PCDHA12: variants seen among roughly 807,000 people sequenced by gnomAD.
The protein encoded by PCDHA12 is protocadherin alpha-12.
A neutral mutation model predicts 60.0 loss-of-function variants in PCDHA12; 44 were observed. The ratio of observed to expected loss-of-function variants is 0.73; its 90% confidence interval spans 0.58 to 0.94. The LOEUF is 0.94. Ranked by LOEUF, PCDHA12 falls within the 40% of genes least tolerant of loss-of-function variation. The probability of loss-of-function intolerance (pLI) is 0.00; values close to 1 mark genes in which losing one functional copy is unlikely to be tolerated. For synonymous variants in PCDHA12, 569 were observed against 553.0 expected (o/e 1.03, Z -0.40); for missense variants, 1,276 against 1,239.7 (o/e 1.03, Z -0.44).
chr5:140,934,528 G>T (rs782284913), intron 1 of PCDHA12, among the ~76,000 whole-genome samples: 26 of 152,112 alleles, frequency 1.7e-4, no homozygotes, highest in Non-Finnish European at 2.2e-4. Flanking sequence ...CACTTCGAGA[G>T]CTACCGTTCT....
chr5:141,004,094 G>C (rs962663466), intron 3 of PCDHA12, among the ~76,000 whole-genome samples: 1 of 152,194 alleles, frequency 6.6e-6, no homozygotes, highest in African/African-American at 2.4e-5. Flanking sequence ...TGCTTCTTCC[G>C]TTTTCATCTT....
At chr5:140,937,836 T>C (rs2091788765) in intron 1 of PCDHA12, among the ~76,000 whole-genome samples, 1 of 150,366 alleles carries the variant, frequency 6.7e-6, no homozygotes, top group Non-Finnish European at 1.5e-5. Flanking sequence ...GGCATGAACC[T>C]GGAAGGCGGA....
At chr5:140,879,634 C>T (rs888836313) in intron 1 of PCDHA12, among the ~76,000 whole-genome samples, 2 of 152,306 alleles carry the variant, frequency 1.3e-5, no homozygotes, top group Admixed American at 1.3e-4. Context: ...GTAAGTGTGT[C>T]GCTTCCTGTG....
chr5:140,925,596 T>G (rs1218423622), intron 1 of PCDHA12, among the ~76,000 whole-genome samples: 1 of 151,466 alleles, frequency 6.6e-6, no homozygotes, highest in Admixed American at 6.6e-5. Context: ...TGTATACATA[T>G]GTAACAAACC....
intron 3 of PCDHA12, among the ~76,000 whole-genome samples, chr5:141,000,999 A>G (rs1315543518): frequency 6.6e-6 from 1 of 152,234 alleles, no homozygotes; most frequent in Non-Finnish European, 1.5e-5. Context: ...TATGCTTTAA[A>G]TATGTATTTA....
At chr5:140,985,065 G>A (rs189493508) in intron 3 of PCDHA12, among the ~76,000 whole-genome samples, 45 of 152,190 alleles carry the variant, frequency 3.0e-4, no homozygotes, top group Admixed American at 5.2e-4. Context: ...AGCCTCCTGA[G>A]TAGCTGAGAC....
chr5:140,980,695 G>A (rs1403740157), intron 2 of PCDHA12, among the ~76,000 whole-genome samples: 1 of 149,792 alleles, frequency 6.7e-6, no homozygotes, highest in Non-Finnish European at 1.5e-5. Context: ...AAAAAAAAAA[G>A]CCAAATGTGC....
At position 140,982,572 on chromosome 5, in the gene PCDHA12, C is replaced by G. The variant is rs782271002; in HGVS notation, c.2515+9C>G. 1 of 1,613,760 alleles carries G rather than the reference C, an allele frequency of 6.2e-7. No homozygotes were observed. Among genetic ancestry groups the G allele is most frequent in the Non-Finnish European group, 8.5e-7 (1 of 1,179,726 alleles). On this transcript the variant is annotated intron_variant, in intron 3 of 3. Transcript: ENST00000398631. ...ATCCAGTGCAACACCAGGTAAAGAGCTGGGGTCTCTCCATTCTTTCTTGGT... is the reference window on the plus strand; with the variant it reads ...ATCCAGTGCAACACCAGGTAAAGAGGTGGGGTCTCTCCATTCTTTCTTGGT...
intron 3 of PCDHA12, among the ~76,000 whole-genome samples, chr5:141,005,079 T>TTAGTACTTTACA (rs1375552328): frequency 3.3e-5 from 5 of 152,356 alleles, no homozygotes; most frequent in Non-Finnish European, 7.3e-5. Flanking sequence ...AGGATCAAGC[T>TTAGTACTTTACA]TAGTACTTTA....
intron 3 of PCDHA12, among the ~76,000 whole-genome samples, chr5:140,990,514 T>C (rs1437267512): frequency 1.3e-5 from 2 of 152,204 alleles, no homozygotes; most frequent in Non-Finnish European, 1.5e-5. Context: ...TCTTCTCTCT[T>C]GTCTTTTTTG....
intron 3 of PCDHA12, among the ~76,000 whole-genome samples, chr5:141,007,904 T>C (rs1397513381): frequency 6.6e-6 from 1 of 152,278 alleles, no homozygotes; most frequent in African/African-American, 2.4e-5. Flanking sequence ...TTGTTCTTTG[T>C]TGAAGATGCT....
At position 140,876,672 on chromosome 5, in the gene PCDHA12, C is replaced by T; in HGVS notation, c.1200C>T (p.Thr400=). The change falls in exon 1 of 4, where the codon ACC becomes ACT. Residue 400 remains threonine (T), a synonymous_variant. Transcript: ENST00000398631. ...TPHVPFKLVS[T]YKNYYSLVLD... is the part of the protein sequence containing the mutation. Reference sequence around the variant, plus strand: ...ATGTTCCCTTCAAGCTGGTGTCCACCTACAAGAATTACTACTCGTTGGTGC... The same window carrying T: ...ATGTTCCCTTCAAGCTGGTGTCCACTTACAAGAATTACTACTCGTTGGTGC... 1 of 1,614,208 alleles carries T rather than the reference C, an allele frequency of 6.2e-7. No individual in the cohort carries two copies. The highest frequency in any genetic ancestry group is 8.5e-7 in the Non-Finnish European group (1 of 1,180,032).
chr5:141,005,263 A>T (rs1223276392), intron 3 of PCDHA12, among the ~76,000 whole-genome samples: 2 of 152,198 alleles, frequency 1.3e-5, no homozygotes, highest in Admixed American at 1.3e-4. Context: ...GGCACTGGTG[A>T]TACATTGGTG....
At chr5:140,959,568 T>A (rs1333268160) in intron 1 of PCDHA12, among the ~76,000 whole-genome samples, 1 of 152,208 alleles carries the variant, frequency 6.6e-6, no homozygotes, top group African/African-American at 2.4e-5. Flanking sequence ...GTACTAGATT[T>A]TTTGTTTCAA....
intron 1 of PCDHA12, among the ~76,000 whole-genome samples, chr5:140,902,711 C>T (rs2153477998): frequency 6.6e-6 from 1 of 151,990 alleles, no homozygotes; most frequent in Middle Eastern, 3.4e-3. Context: ...TCTTTCACTC[C>T]CCTCCCACCC....
intron 1 of PCDHA12, among the ~76,000 whole-genome samples, chr5:140,951,327 C>T (rs782778063): frequency 5.3e-5 from 8 of 152,026 alleles, no homozygotes; most frequent in Non-Finnish European, 8.8e-5. Context: ...TGAGATTCAT[C>T]ATTCTGTTTG....
At chr5:140,994,036 A>G (rs1176195849) in intron 3 of PCDHA12, among the ~76,000 whole-genome samples, 1 of 152,210 alleles carries the variant, frequency 6.6e-6, no homozygotes, top group African/African-American at 2.4e-5. Flanking sequence ...AATATTAAAT[A>G]TAACACAGTC....
intron 1 of PCDHA12, among the ~76,000 whole-genome samples, chr5:140,917,545 C>G (rs1049973588): frequency 6.6e-6 from 1 of 152,212 alleles, no homozygotes; most frequent in Non-Finnish European, 1.5e-5. Flanking sequence ...TTAGGTTTTA[C>G]ATTTAACTCT....
chr5:140,940,774 G>T (rs1554213602), intron 1 of PCDHA12, among the ~76,000 whole-genome samples: 4 of 151,994 alleles, frequency 2.6e-5, no homozygotes, highest in African/African-American at 7.3e-5. Context: ...GACTTTTGAT[G>T]GTCCATATCC....
Sources: gnomAD v4.1 joint callset for allele counts (sites outside exome capture counted in the v4.1 genomes callset) on GRCh38, gnomAD v4.1.1 for gene constraint, MANE v1.5 for transcripts, NCBI Gene and HGNC (gene_info 2026-07-23, HGNC 2026-07-21) for gene names.